MACROD2: variants seen among roughly 807,000 people sequenced by gnomAD.
MACROD2 encodes mono-ADP ribosylhydrolase 2.
A neutral mutation model predicts 70.4 loss-of-function variants in MACROD2; 36 were observed. The ratio of observed to expected loss-of-function variants is 0.51; its 90% CI spans 0.39 to 0.68. MACROD2 has a LOEUF of 0.68. Ranked by LOEUF, MACROD2 falls within the 30% of genes least tolerant of loss-of-function variation. MACROD2 has a pLI of 0.00. For missense variants in MACROD2, 496 were observed against 538.4 expected (o/e 0.92, Z 0.78); for synonymous variants, 172 against 178.8 (o/e 0.96, Z 0.30).
intron 7 of MACROD2, among the ~76,000 whole-genome samples, chr20:15,482,159 A>G (rs2047106531): frequency 6.6e-6 from 1 of 152,136 alleles, no homozygotes. Flanking sequence ...TTTCTCTCTT[A>G]AACCTGGCTG....
intron 5 of MACROD2, among the ~76,000 whole-genome samples, chr20:14,954,096 A>T (rs2074498175): frequency 6.6e-6 from 1 of 152,120 alleles, no homozygotes; most frequent in Admixed American, 6.6e-5. Flanking sequence ...TATGTGAGAC[A>T]CCTTAAGTAT....
intron 3 of MACROD2, among the ~76,000 whole-genome samples, chr20:14,405,965 TAA>T (rs1464634572): frequency 6.6e-6 from 1 of 152,064 alleles, no homozygotes; most frequent in South Asian, 2.1e-4. Context: ...TTTTATCTAA[TAA>T]AAAAAGAGAC....
chr20:14,587,890 C>A (rs566757842), intron 4 of MACROD2, among the ~76,000 whole-genome samples: 1 of 152,070 alleles, frequency 6.6e-6, no homozygotes, highest in East Asian at 1.9e-4. Context: ...TGAATGTTGA[C>A]AAATGAATAC....
At chr20:15,890,754 G>A (rs1417455491) in intron 10 of MACROD2, among the ~76,000 whole-genome samples, 1 of 151,684 alleles carries the variant, frequency 6.6e-6, no homozygotes, top group Non-Finnish European at 1.5e-5. Context: ...TTTTTGTTCT[G>A]TTCCTTTTTT....
chr20:14,600,550 T>C (rs1452056240), intron 4 of MACROD2, among the ~76,000 whole-genome samples: 1 of 152,142 alleles, frequency 6.6e-6, no homozygotes, highest in African/African-American at 2.4e-5. Flanking sequence ...CACAATTCTA[T>C]GTACTGTTCA....
intron 10 of MACROD2, among the ~76,000 whole-genome samples, chr20:15,920,050 A>G (rs905686736): frequency 6.6e-6 from 1 of 152,216 alleles, no homozygotes; most frequent in African/African-American, 2.4e-5. Context: ...ATCAGTAGTC[A>G]TGGGAGAAGT....
At chr20:14,535,225 T>A (rs1600353389) in intron 4 of MACROD2, among the ~76,000 whole-genome samples, 1 of 152,254 alleles carries the variant, frequency 6.6e-6, no homozygotes, top group South Asian at 2.1e-4. Context: ...TTATCTTGGC[T>A]GGGCGCAGTG....
intron 5 of MACROD2, among the ~76,000 whole-genome samples, chr20:14,979,849 T>TCACCAGAAGC (rs2074781162): frequency 6.6e-6 from 1 of 152,194 alleles, no homozygotes; most frequent in African/African-American, 2.4e-5. Context: ...AGTTTTGCCT[T>TCACCAGAAGC]TGTCACTAAA....
chr20:14,866,591 G>T (rs1044377618), intron 5 of MACROD2, among the ~76,000 whole-genome samples: 1 of 152,060 alleles, frequency 6.6e-6, no homozygotes, highest in African/African-American at 2.4e-5. Context: ...GCATAAAATT[G>T]TCCAGGAGAA....
At chr20:15,745,642 A>G (rs2051171972) in intron 8 of MACROD2, among the ~76,000 whole-genome samples, 1 of 152,136 alleles carries the variant, frequency 6.6e-6, no homozygotes, top group African/African-American at 2.4e-5. Context: ...TTAACACTTA[A>G]AAGTATTTTC....
chr20:14,806,254 C>T (rs537838005), intron 5 of MACROD2, among the ~76,000 whole-genome samples: 7 of 152,158 alleles, frequency 4.6e-5, no homozygotes, highest in East Asian at 1.9e-4. Context: ...CTGAGGTACC[C>T]GGTTGATCTC....
At chr20:15,581,268 T>C (rs13045278) in intron 8 of MACROD2, among the ~76,000 whole-genome samples, 3 of 152,134 alleles carry the variant, frequency 2.0e-5, no homozygotes, top group Non-Finnish European at 4.4e-5. Flanking sequence ...CATTTTTCAC[T>C]GTCTCTGTTG....
rs201525960 is a variant in MACROD2 at position 14,326,210 on chromosome 20, T to C, written c.272-167269T>C. 6.2e-6 allele frequency: 10 copies of C among 1,613,918 alleles called. No individual in the cohort carries two copies. The highest frequency in any genetic ancestry group is 1.1e-5 in the South Asian group (1 of 91,088). ...AGCCAGCTGAGTCTCAAAGCAGTCA[T>C]AGGTAGAGCAAGTTTCCAAGAGATA... On this transcript the variant is annotated intron_variant, in intron 3 of 17. Transcript: ENST00000684519. This position sits in a 1 kb window ranked among gnomAD's most constrained non-coding sequence, Gnocchi z 5.5.
chr20:14,087,416 G>A lies in MACROD2; in HGVS notation c.271+1688G>A, dbSNP rs575334690. Among the ~76,000 whole-genome samples the A allele has an allele frequency of 4.1e-4, 62 of 151,750 alleles. 1 individual carries two copies. In the South Asian group the frequency reaches 5.2e-3, roughly 13 times the overall value. ...TGTCTCAAAAAAAAAAAAAAGGATT[G>A]GATGTCAGTTGCTTTGTACCACAGC... On this transcript the variant is annotated intron_variant, in intron 3 of 17. Transcript: ENST00000684519.
At chr20:15,531,716 G>T (rs773507721) in intron 8 of MACROD2, among the ~76,000 whole-genome samples, 1 of 152,084 alleles carries the variant, frequency 6.6e-6, no homozygotes. Flanking sequence ...GTTATGACTC[G>T]TTCTCTTTTA....
At chr20:15,348,816 C>T (rs1280633297) in intron 6 of MACROD2, among the ~76,000 whole-genome samples, 1 of 152,048 alleles carries the variant, frequency 6.6e-6, no homozygotes, top group Non-Finnish European at 1.5e-5. Flanking sequence ...ATTGAATTCC[C>T]ACTACATGTG....
At chr20:14,276,226 C>G (rs557731145) in intron 3 of MACROD2, among the ~76,000 whole-genome samples, 261 of 151,778 alleles carry the variant, frequency 1.7e-3, no homozygotes, top group African/African-American at 6.0e-3. Context: ...TGGAACCAAC[C>G]CAAATGTCCA....
intron 5 of MACROD2, among the ~76,000 whole-genome samples, chr20:14,864,791 TA>T (rs928423089): frequency 6.6e-6 from 1 of 151,808 alleles, no homozygotes; most frequent in Non-Finnish European, 1.5e-5. Context: ...CAGTTTGCTT[TA>T]AAAAAAACAG....
In MACROD2 at chr20:15,230,054, G is replaced by T; in HGVS notation, c.533G>T (p.Arg178Leu). ...AAGCTCGTGAAAGAAAATAACATCC[G>T]ATCAGTTGTAAGTAATTTTATGTTT... ...SLKLVKENNI[R>L]SVAFPCISTG... The change falls in exon 6 of 18, where the codon CGA becomes CTA. Residue 178 changes from arginine to leucine, a missense_variant. Coordinates refer to ENST00000684519, the MANE Select transcript of MACROD2 (RefSeq NM_001351661.2). 1.2e-6 allele frequency: 2 copies of T among 1,612,630 alleles called. No individual in the cohort carries two copies. Among genetic ancestry groups the T allele is most frequent in the South Asian group, 1.1e-5 (1 of 90,930 alleles).
Sources: allele counts gnomAD v4.1 joint callset (sites outside exome capture counted in the v4.1 genomes callset), GRCh38; gene constraint gnomAD v4.1.1; non-coding constraint Gnocchi (gnomAD v3.1); transcripts MANE v1.5; gene names NCBI Gene and HGNC (gene_info 2026-07-23, HGNC 2026-07-21).